The following TOX variants were observed in gnomAD, a reference collection of about 807,000 sequenced individuals.
The protein encoded by TOX is thymocyte selection associated high mobility group box, also known as thymocyte selection-associated high mobility group box protein TOX.
TOX carries 11 observed loss-of-function variants against 53.7 expected under a neutral mutation model. The observed-to-expected ratio is 0.20, with a 90% CI of 0.13 to 0.34. The LOEUF (loss-of-function observed/expected upper bound fraction) is 0.34, where lower values mean the gene tolerates loss of function less well. TOX is among the 10% of genes least tolerant of loss of function. The pLI, the probability that TOX is intolerant of heterozygous loss-of-function variation, is 1.00. For missense variants in TOX, 570 were observed against 664.6 expected (o/e 0.86, Z 1.56); for synonymous variants, 225 against 245.3 (o/e 0.92, Z 0.77).
At chr8:59,077,836 C>T (rs1172001689) in intron 1 of TOX, among the ~76,000 whole-genome samples, 1 of 152,084 alleles carries the variant, frequency 6.6e-6, no homozygotes, top group Non-Finnish European at 1.5e-5. Context: ...AGAATAGAGG[C>T]AATTGAAAGC....
intron 4 of TOX, among the ~76,000 whole-genome samples, chr8:58,844,540 T>C (rs1437627714): frequency 6.6e-6 from 1 of 152,184 alleles, no homozygotes; most frequent in Non-Finnish European, 1.5e-5. Context: ...GCAGGTCCCA[T>C]TAATCTTCAC....
intron 4 of TOX, among the ~76,000 whole-genome samples, chr8:58,847,685 A>G (rs1010983808): frequency 2.6e-5 from 4 of 152,084 alleles, no homozygotes; most frequent in Non-Finnish European, 5.9e-5. Flanking sequence ...AATGCATGCA[A>G]AGAAACCCAC....
chr8:58,883,757 T>C (rs907594808), intron 3 of TOX, among the ~76,000 whole-genome samples: 2 of 152,142 alleles, frequency 1.3e-5, no homozygotes, highest in African/African-American at 2.4e-5. Context: ...GCTAATTATA[T>C]AGAAATTGTA....
chr8:59,071,803 G>T (rs988602123), intron 1 of TOX, among the ~76,000 whole-genome samples: 7 of 152,102 alleles, frequency 4.6e-5, no homozygotes, highest in Admixed American at 1.3e-4. Context: ...CAAATAATTG[G>T]CTCTGTCATG....
intron 3 of TOX, among the ~76,000 whole-genome samples, chr8:58,856,038 A>T (rs1810909607): frequency 6.6e-6 from 1 of 152,246 alleles, no homozygotes; most frequent in Non-Finnish European, 1.5e-5. Context: ...GCAAAAGCCC[A>T]CAGAGAGGTT....
In TOX at chr8:58,806,334, C is replaced by T. The variant is rs1809974460; in HGVS notation, c.*1413G>A. On this transcript the variant is annotated 3_prime_UTR_variant, in exon 9 of 9. Coordinates refer to ENST00000361421, the MANE Select transcript of TOX (RefSeq NM_014729.3). Reference sequence around the variant, plus strand: ...TTTAGATGCTTCCCTTTCACTTCTTCCAGCCCCTAGTTCAATTCTTAAATG... The same window carrying T: ...TTTAGATGCTTCCCTTTCACTTCTTTCAGCCCCTAGTTCAATTCTTAAATG... 6.6e-6 allele frequency: 1 copy of T among 152,124 alleles called. No homozygotes were observed. The highest frequency in any genetic ancestry group is 2.1e-4 in the South Asian group (1 of 4,820). The allele number at this position is 152,124 out of a possible 1,614,324, so 9.4% of individuals were successfully genotyped here.
At chr8:59,001,823 T>A (rs2129418155) in intron 1 of TOX, among the ~76,000 whole-genome samples, 1 of 151,642 alleles carries the variant, frequency 6.6e-6, no homozygotes, top group South Asian at 2.1e-4. Context: ...AAAAAACAAA[T>A]CAAAAGAGAC....
At chr8:58,879,357 C>T (rs1811344569) in intron 3 of TOX, among the ~76,000 whole-genome samples, 4 of 152,128 alleles carry the variant, frequency 2.6e-5, no homozygotes. Flanking sequence ...AAATTACACT[C>T]AAGTCTTGCA....
chr8:59,107,056 G>GGGA (rs1804925518), intron 1 of TOX, among the ~76,000 whole-genome samples: 1 of 126,660 alleles, frequency 7.9e-6, no homozygotes, highest in Non-Finnish European at 1.7e-5. Flanking sequence ...TGGGGGGGGG[G>GGGA]GGAACGTGAC....
chr8:59,016,743 G>T (rs1012792743), intron 1 of TOX, among the ~76,000 whole-genome samples: 1 of 152,148 alleles, frequency 6.6e-6, no homozygotes, highest in African/African-American at 2.4e-5. Flanking sequence ...CAAACTAGCT[G>T]CAGAGGAAAA....
chr8:58,852,003 C>G (rs1027900087), intron 3 of TOX, among the ~76,000 whole-genome samples, 198 bp from the exon 4 acceptor site: 3 of 151,716 alleles, frequency 2.0e-5, no homozygotes, highest in Non-Finnish European at 4.4e-5. Flanking sequence ...ATAAGACTAC[C>G]AAAAGACTGG....
At chr8:58,819,628 G>T (rs1225640793) in intron 6 of TOX, among the ~76,000 whole-genome samples, 1 of 152,144 alleles carries the variant, frequency 6.6e-6, no homozygotes, top group Non-Finnish European at 1.5e-5. Flanking sequence ...TAACCAAATT[G>T]TTGATTACTG....
At chr8:58,813,759 G>A (rs552066932) in intron 7 of TOX, among the ~76,000 whole-genome samples, 1 of 152,312 alleles carries the variant, frequency 6.6e-6, no homozygotes, top group African/African-American at 2.4e-5. Flanking sequence ...TAGGGACCAA[G>A]AAAGACTTCA....
At chr8:58,952,661 C>G (rs1317255369) in intron 2 of TOX, among the ~76,000 whole-genome samples, 2 of 152,144 alleles carry the variant, frequency 1.3e-5, no homozygotes, top group East Asian at 1.9e-4. Flanking sequence ...ATATGGAGTG[C>G]AAGGTTTTGA....
At chr8:58,908,367 C>A (rs1214937969) in intron 3 of TOX, among the ~76,000 whole-genome samples, 1 of 152,172 alleles carries the variant, frequency 6.6e-6, no homozygotes, top group East Asian at 1.9e-4. Flanking sequence ...GAACGCCTTT[C>A]CTGTCATGCA....
intron 1 of TOX, among the ~76,000 whole-genome samples, chr8:59,104,077 T>C (rs1451535563): frequency 2.0e-5 from 3 of 152,324 alleles, no homozygotes; most frequent in African/African-American, 2.4e-5. Flanking sequence ...AAAAGATAGA[T>C]CAATTGCTGG....
intron 1 of TOX, among the ~76,000 whole-genome samples, chr8:59,092,561 G>A (rs1277641044): frequency 6.6e-6 from 1 of 151,328 alleles, no homozygotes; most frequent in Non-Finnish European, 1.5e-5. Flanking sequence ...CTTCTCACAA[G>A]CATCAGCAAA....
Position 58,939,645 on chromosome 8 carries a change from A to C in TOX, c.169-101T>G, listed in dbSNP as rs1182271499. 6 of 1,472,870 alleles carry C rather than the reference A, an allele frequency of 4.1e-6. No individual in the cohort carries two copies. In the Admixed American group the frequency reaches 1.4e-4, roughly 33 times the overall value. 91.2% of individuals were successfully genotyped at this position (1,472,870 alleles called of 1,614,324 possible). A position where few individuals can be genotyped will look rare whatever the true frequency, so the allele number is the denominator to read the frequency against. ...CTTTAGATATTATTACAAGCAGCATATGGATTTGGCAAAGACATTTCAAAC... is the reference window on the plus strand; with the variant it reads ...CTTTAGATATTATTACAAGCAGCATCTGGATTTGGCAAAGACATTTCAAAC... On this transcript the variant is annotated intron_variant, in intron 2 of 8. Coordinates refer to ENST00000361421, the MANE Select transcript of TOX (RefSeq NM_014729.3).
intron 2 of TOX, among the ~76,000 whole-genome samples, chr8:58,948,882 C>A: frequency 6.6e-6 from 1 of 151,996 alleles, no homozygotes; most frequent in East Asian, 1.9e-4. Flanking sequence ...CACTCAGGAG[C>A]AAAACATTAA....
Sources: allele counts gnomAD v4.1 joint callset (sites outside exome capture counted in the v4.1 genomes callset), GRCh38; gene constraint gnomAD v4.1.1; transcripts MANE v1.5; gene names NCBI Gene and HGNC (gene_info 2026-07-23, HGNC 2026-07-21).